The following CNTNAP3 variants were observed in gnomAD, a reference collection of about 807,000 sequenced individuals.
CNTNAP3 encodes contactin associated protein family member 3, also known as contactin-associated protein-like 3.
In CNTNAP3, 36 loss-of-function variants were observed where a neutral mutation model predicts 92.1. That is an observed-to-expected ratio of 0.39 (90% CI 0.30 to 0.52). The LOEUF is 0.52. Ranked by LOEUF, CNTNAP3 falls within the 20% of genes least tolerant of loss-of-function variation. CNTNAP3 has a pLI of 0.76. For synonymous variants in CNTNAP3, 232 were observed against 422.3 expected, an observed-to-expected ratio of 0.55 and a Z score of 5.53; for missense variants, 534 against 1,069.6, an observed-to-expected ratio of 0.50 and a Z score of 6.98.
chr9:39,145,117 T>A (rs866278516), intron 10 of CNTNAP3, among the ~76,000 whole-genome samples: 1 of 138,702 alleles, frequency 7.2e-6, no homozygotes, highest in South Asian at 2.4e-4. Context: ...GGGCCTAGCA[T>A]GCCTGCCTCT....
At chr9:39,161,830 G>A in intron 9 of CNTNAP3, among the ~76,000 whole-genome samples, 1 of 103,192 alleles carries the variant, frequency 9.7e-6, no homozygotes, top group East Asian at 2.4e-4. Context: ...AGGTGAGACT[G>A]ACTCTAAAGT....
At chr9:39,122,672 G>A (rs1481260945) in intron 13 of CNTNAP3, among the ~76,000 whole-genome samples, 1 of 152,128 alleles carries the variant, frequency 6.6e-6, no homozygotes, top group Non-Finnish European at 1.5e-5. Flanking sequence ...CAGTTCCTTT[G>A]CCAATACAAC....
intron 21 of CNTNAP3, among the ~76,000 whole-genome samples, chr9:39,083,283 T>C (rs1208465641): frequency 6.6e-6 from 1 of 152,172 alleles, no homozygotes; most frequent in Admixed American, 6.5e-5. Context: ...CAGGCTAATT[T>C]TTTTTTACTT....
chr9:39,100,694 G>A lies in CNTNAP3; in HGVS notation c.2756-544C>T, dbSNP rs551446820. ...AGGGGAAGTTGGAAGGGGTGACACC[G>A]TACCCCAGGATCTCCTCCTCTCAGA... On this transcript the variant is annotated intron_variant, in intron 17 of 23. Coordinates refer to ENST00000297668, the MANE Select transcript of CNTNAP3 (RefSeq NM_033655.5). Among the ~76,000 whole-genome samples the A allele has an allele frequency of 1.2e-4, 18 of 152,208 alleles. 1 individual carries two copies. Among genetic ancestry groups the A allele is most frequent in the African/African-American group, 2.9e-4 (12 of 41,524 alleles).
chr9:39,144,113 T>C (rs1821642454), intron 11 of CNTNAP3, 127 bp downstream of exon 11: 1 of 1,411,116 alleles, frequency 7.1e-7, no homozygotes, highest in South Asian at 1.6e-5. Flanking sequence ...AAACTAGAAA[T>C]TGAGTGCTGA....
chr9:39,145,811 G>T (rs1821684671), intron 10 of CNTNAP3, among the ~76,000 whole-genome samples: 1 of 140,876 alleles, frequency 7.1e-6, no homozygotes, highest in Admixed American at 6.8e-5. Flanking sequence ...CTGATCAGAA[G>T]AGGGGCAGTT....
Position 39,099,966 on chromosome 9 carries a change from C to T in CNTNAP3, c.2940G>A (p.Arg980=), listed in dbSNP as rs1564072515. The T allele has an allele frequency of 6.2e-7, 1 of 1,608,042 alleles. No homozygotes were observed. The highest frequency in any genetic ancestry group is 1.1e-5 in the South Asian group (1 of 90,262). The change falls in exon 18 of 24, where the codon AGG becomes AGA. Residue 980 remains arginine, a synonymous_variant. Transcript: ENST00000297668. ...RNGGRCREKR[R]GVTCDCAFSA... ...AGAAGGCACAGTCACAGGTGACCCC[C>T]CTGCGTTTCTCTCTGCATCTCCCTC...
At chr9:39,117,543 T>C (rs1388119387) in intron 14 of CNTNAP3, among the ~76,000 whole-genome samples, 1 of 152,206 alleles carries the variant, frequency 6.6e-6, no homozygotes, top group East Asian at 1.9e-4. Context: ...AAGTCTATGT[T>C]AGTTGTTTCA....
rs1825639689 is a variant in CNTNAP3, at chr9:39,071,756, T to C, written c.*2134A>G. On this transcript the variant is annotated 3_prime_UTR_variant, in exon 24 of 24. Transcript: ENST00000297668. ...TCATAGATATTTTTACATCTAGCAATCAGTAAATATTTATCTCTTTTTCTT... is the reference window on the plus strand; with the variant it reads ...TCATAGATATTTTTACATCTAGCAACCAGTAAATATTTATCTCTTTTTCTT... Among the ~76,000 whole-genome samples, 1 of 142,832 alleles carries C rather than the reference T, an allele frequency of 7.0e-6. No homozygotes were observed. Among genetic ancestry groups the C allele is most frequent in the Non-Finnish European group, 1.5e-5 (1 of 66,294 alleles). The allele number at this position is 142,832 out of a possible 152,430, so 93.7% of individuals were successfully genotyped here.
In CNTNAP3 at chr9:39,100,158, G is replaced by A. The variant is rs200539482; in HGVS notation, c.2756-8C>T. ...GTCTGGTGGCCGTTCCACCTACAACGGAAACACTGCAAATAGAAATGTGTT... is the reference window on the plus strand; with the variant it reads ...GTCTGGTGGCCGTTCCACCTACAACAGAAACACTGCAAATAGAAATGTGTT... On this transcript the variant is annotated splice_region_variant and splice_polypyrimidine_tract_variant and intron_variant, in intron 17 of 23. Transcript: ENST00000297668. 1.4e-5 allele frequency: 22 copies of A among 1,568,596 alleles called. No individual in the cohort carries two copies. Among genetic ancestry groups the A allele is most frequent in the Middle Eastern group, 2.3e-4 (1 of 4,318 alleles).
Position 39,162,240 on chromosome 9 carries a change from C to T in CNTNAP3, c.1477+3693G>A, listed in dbSNP as rs114622135. Among the ~76,000 whole-genome samples, 7 of 43,242 alleles carry T rather than the reference C, an allele frequency of 1.6e-4. No homozygotes were observed. The African/African-American group carries it at 1.9e-3, about 12-fold the overall frequency. 28.4% of individuals were successfully genotyped at this position (43,242 alleles called of 152,430 possible). A position where few individuals can be genotyped will look rare whatever the true frequency, so the allele number is the denominator to read the frequency against. On this transcript the variant is annotated intron_variant, in intron 9 of 23. Coordinates refer to ENST00000297668, the MANE Select transcript of CNTNAP3 (RefSeq NM_033655.5). ...GCCAACAAGCATATGAAAAACTCCT[C>T]GGCATCACTAGTCATGAGATAAATG...
At position 39,072,650 on chromosome 9, in the gene CNTNAP3, C is replaced by T. The variant is rs1157484263; in HGVS notation, c.*1240G>A. On this transcript the variant is annotated 3_prime_UTR_variant, in exon 24 of 24. Coordinates refer to ENST00000297668, the MANE Select transcript of CNTNAP3 (RefSeq NM_033655.5). ...TTAATAAACATCATGTAAATGCTAA[C>T]TTAACTTGGAGTGAACAGTCTTCAG... 6.6e-6 allele frequency: 1 copy of T among 152,100 alleles called. No homozygotes were observed. Among genetic ancestry groups the T allele is most frequent in the Non-Finnish European group, 1.5e-5 (1 of 68,020 alleles). 9.4% of individuals were successfully genotyped at this position (152,100 alleles called of 1,614,324 possible). A position where few individuals can be genotyped will look rare whatever the true frequency, so the allele number is the denominator to read the frequency against.
At chr9:39,075,791 C>T (rs1032838572) in intron 23 of CNTNAP3, among the ~76,000 whole-genome samples, 8 of 152,410 alleles carry the variant, frequency 5.2e-5, no homozygotes, top group African/African-American at 1.7e-4. Context: ...TAAGCCACTG[C>T]GCTTTGAGTT....
chr9:39,080,747 C>T (rs1327962450), intron 21 of CNTNAP3, among the ~76,000 whole-genome samples: 22 of 134,576 alleles, frequency 1.6e-4, no homozygotes, highest in African/African-American at 6.1e-4. Flanking sequence ...CTGCAACCTC[C>T]GCCTCCCAGG....
chr9:39,129,957 C>T (rs1328425863), intron 13 of CNTNAP3, among the ~76,000 whole-genome samples: 1 of 152,144 alleles, frequency 6.6e-6, no homozygotes, highest in Admixed American at 6.5e-5. Context: ...GATATTACTA[C>T]ACAGTTATCA....
At chr9:39,086,693 G>A (rs1826070055) in intron 20 of CNTNAP3, 23 bp downstream of exon 20, 1 of 1,604,772 alleles carries the variant, frequency 6.2e-7, no homozygotes, top group Admixed American at 1.7e-5. Flanking sequence ...TAGTTAGTTT[G>A]ACTTTTGCAT....
At chr9:39,132,842 C>T in intron 13 of CNTNAP3, 90 bp downstream of exon 13, 2 of 1,399,248 alleles carry the variant, frequency 1.4e-6, no homozygotes, top group Non-Finnish European at 1.9e-6. Context: ...CGGGAGGGAC[C>T]CTGGCCTTTT....
intron 13 of CNTNAP3, among the ~76,000 whole-genome samples, chr9:39,129,410 G>A (rs1821223900): frequency 6.6e-6 from 1 of 152,080 alleles, no homozygotes; most frequent in South Asian, 2.1e-4. Flanking sequence ...TGGTTCTGGA[G>A]CAACTGAACA....
rs1825558405 is a variant in CNTNAP3 at position 39,068,380 on chromosome 9, C to T, written c.*5510G>A. On this transcript the variant is annotated 3_prime_UTR_variant, in exon 24 of 24. Coordinates refer to ENST00000297668, the MANE Select transcript of CNTNAP3 (RefSeq NM_033655.5). ...GCAGTGAGCCAGGATCGCGCCACTG[C>T]ACTCCAGCCTGAGCGACAGAGCAAG... is the stretch of plus-strand genomic sequence containing the variant. Among the ~76,000 whole-genome samples the T allele has an allele frequency of 1.3e-5, 2 of 152,308 alleles. No homozygotes were observed. Among genetic ancestry groups the T allele is most frequent in the Non-Finnish European group, 2.9e-5 (2 of 68,054 alleles).
Sources: gnomAD v4.1 joint callset for allele counts (sites outside exome capture counted in the v4.1 genomes callset) on GRCh38, gnomAD v4.1.1 for gene constraint, MANE v1.5 for transcripts, NCBI Gene and HGNC (gene_info 2026-07-23, HGNC 2026-07-21) for gene names.